Variants in CAB39L observed in about 807,000 individuals in gnomAD.
CAB39L encodes the protein calcium binding protein 39 like, also known as calcium-binding protein 39-like.
In CAB39L, 23 loss-of-function variants were observed where a neutral mutation model predicts 39.1. The ratio of observed to expected loss-of-function variants is 0.59; its 90% CI spans 0.42 to 0.83. CAB39L has a LOEUF of 0.83. Ranked by LOEUF, CAB39L falls within the 40% of genes least tolerant of loss-of-function variation. The pLI is 0.00. For missense variants in CAB39L, 366 were observed against 391.9 expected (o/e 0.93, Z 0.56); for synonymous variants, 126 against 137.2 (o/e 0.92, Z 0.57).
intron 5 of CAB39L, among the ~76,000 whole-genome samples, chr13:49,368,634 T>C (rs1955832881): frequency 6.6e-6 from 1 of 152,220 alleles, no homozygotes; most frequent in South Asian, 2.1e-4. Context: ...CTGGCAATTC[T>C]AAGGTTACAT....
At chr13:49,407,991 C>G (rs11617824) in intron 3 of CAB39L, among the ~76,000 whole-genome samples, 18,547 of 151,658 alleles carry the variant, frequency 0.12, 1,402 homozygotes, top group Middle Eastern at 0.19. Context: ...GAGTGCTAGA[C>G]AAAAGAGCTA....
chr13:49,440,442 T>C (rs1415614061), intron 1 of CAB39L, among the ~76,000 whole-genome samples: 9 of 152,152 alleles, frequency 5.9e-5, no homozygotes, highest in Admixed American at 5.9e-4. Context: ...CTCTCTATTC[T>C]GCTCCATTGG....
chr13:49,325,597 G>A (rs1211183156), intron 10 of CAB39L, among the ~76,000 whole-genome samples: 1 of 151,918 alleles, frequency 6.6e-6, no homozygotes, highest in Non-Finnish European at 1.5e-5. Flanking sequence ...GAGACCAGCC[G>A]GGCCAACATG....
chr13:49,321,398 T>A (rs1360668205), intron 10 of CAB39L, among the ~76,000 whole-genome samples: 1 of 152,272 alleles, frequency 6.6e-6, no homozygotes, highest in African/African-American at 2.4e-5. Context: ...GAATCCTTGC[T>A]ATGCACTGGG....
intron 1 of CAB39L, 61 bp downstream of exon 1, chr13:49,443,925 T>C (rs1156854269): frequency 4.4e-6 from 2 of 456,594 alleles, no homozygotes; most frequent in Non-Finnish European, 4.4e-6. Flanking sequence ...GCGCTATGTA[T>C]GTTTTCAACC....
At chr13:49,360,520 T>C (rs1004416197) in intron 5 of CAB39L, among the ~76,000 whole-genome samples, 1 of 152,230 alleles carries the variant, frequency 6.6e-6, no homozygotes, top group Non-Finnish European at 1.5e-5. Context: ...TGCACTCTCA[T>C]ACACCTTACA....
At chr13:49,351,536 G>A (rs1955356760) in intron 6 of CAB39L, among the ~76,000 whole-genome samples, 1 of 152,192 alleles carries the variant, frequency 6.6e-6, no homozygotes, top group Non-Finnish European at 1.5e-5. Flanking sequence ...GTCAGCCAAG[G>A]TAAGCAGTTG....
chr13:49,377,062 G>T lies in CAB39L; in HGVS notation c.181C>A (p.Pro61Thr), dbSNP rs554540098. 3 of 1,613,522 alleles carry T rather than the reference G, an allele frequency of 1.9e-6. No homozygotes were observed. The highest frequency in any genetic ancestry group is 1.7e-4 in the Middle Eastern group (1 of 6,052). The change falls in exon 5 of 11, where the codon CCC becomes ACC. Residue 61 changes from proline (P) to threonine (T), a missense_variant. Coordinates refer to ENST00000409308, the MANE Select transcript of CAB39L (RefSeq NM_001079670.3). Reference sequence around the variant, plus strand: ...AGCTGAGCCACTGCTTCTGTTGGGGGTTCTTTCTCGTTTGTACCACACAGA... The same window carrying T: ...AGCTGAGCCACTGCTTCTGTTGGGGTTTCTTTCTCGTTTGTACCACACAGA... ...EILCGTNEKE[P>T]PTEAVAQLAQ... is the part of the protein sequence containing the mutation.
rs1308194036 is a variant in CAB39L, at chr13:49,315,853, C to T, written c.835-4860G>A. Among the ~76,000 whole-genome samples the T allele has an allele frequency of 3.3e-5, 5 of 149,332 alleles. No individual in the cohort carries two copies. The East Asian group carries it at 7.9e-4, about 23-fold the overall frequency. ...TGAGCCAAGATCGTGCCACGGCACT[C>T]CAGCCTGGGCAACAGAGCAAGTCTC... is the stretch of plus-strand genomic sequence containing the variant. On this transcript the variant is annotated intron_variant, in intron 10 of 10. Coordinates refer to ENST00000409308, the MANE Select transcript of CAB39L (RefSeq NM_001079670.3).
chr13:49,420,107 T>C (rs1207577974), intron 3 of CAB39L, among the ~76,000 whole-genome samples: 1 of 152,214 alleles, frequency 6.6e-6, no homozygotes, highest in Non-Finnish European at 1.5e-5. Context: ...CAGACATCCA[T>C]TTAGATATCT....
chr13:49,346,124 T>TATATATATATATG, intron 7 of CAB39L, among the ~76,000 whole-genome samples: 1 of 116,784 alleles, frequency 8.6e-6, no homozygotes, highest in East Asian at 3.1e-4. Flanking sequence ...TATATATATA[T>TATATATATATATG]CATGGATACA....
At chr13:49,349,455 C>CACATAT (rs146340275) in intron 7 of CAB39L, among the ~76,000 whole-genome samples, 5 of 141,806 alleles carry the variant, frequency 3.5e-5, no homozygotes, top group African/African-American at 1.3e-4. Context: ...AATCTGAATA[C>CACATAT]ATATATATAT....
rs190681615 is a variant in CAB39L at position 49,442,403 on chromosome 13, G to A, written c.-246+1583C>T. Among the ~76,000 whole-genome samples the A allele has an allele frequency of 1.5e-4, 23 of 152,210 alleles. No homozygotes were observed. The East Asian group carries it at 4.2e-3, about 28-fold the overall frequency. On this transcript the variant is annotated intron_variant, in intron 1 of 10. Transcript: ENST00000409308. ...CAAGTTTCTTAGAAAAGGTCAAAAG[G>A]TATATGAACTTTTGTTTCTCCATGC... is the stretch of plus-strand genomic sequence containing the variant.
intron 3 of CAB39L, among the ~76,000 whole-genome samples, chr13:49,411,922 A>G (rs1222513577): frequency 6.6e-6 from 1 of 152,176 alleles, no homozygotes; most frequent in Non-Finnish European, 1.5e-5. Context: ...GAAGGCATTA[A>G]GTGAAAATGC....
intron 8 of CAB39L, among the ~76,000 whole-genome samples, chr13:49,342,929 G>A (rs887095499): frequency 2.6e-5 from 4 of 151,892 alleles, no homozygotes; most frequent in Admixed American, 6.6e-5. Flanking sequence ...AACATTTTTC[G>A]TATGTTGGGT....
chr13:49,347,793 C>T (rs1206551651), intron 7 of CAB39L, among the ~76,000 whole-genome samples: 1 of 152,104 alleles, frequency 6.6e-6, no homozygotes, highest in Non-Finnish European at 1.5e-5. Flanking sequence ...GAGCCCGGAG[C>T]CATGCTGCCC....
At chr13:49,442,211 C>A (rs1957536466) in intron 1 of CAB39L, among the ~76,000 whole-genome samples, 1 of 152,140 alleles carries the variant, frequency 6.6e-6, no homozygotes, top group African/African-American at 2.4e-5. Context: ...GCCTATGCCA[C>A]TACTCTTTGA....
intron 3 of CAB39L, among the ~76,000 whole-genome samples, chr13:49,427,717 TA>T (rs1957264973): frequency 6.6e-6 from 1 of 152,184 alleles, no homozygotes; most frequent in East Asian, 1.9e-4. Flanking sequence ...TCACTTATCT[TA>T]CTTCATTTGA....
intron 5 of CAB39L, among the ~76,000 whole-genome samples, chr13:49,364,866 C>T (rs1166450390): frequency 1.3e-5 from 2 of 152,144 alleles, no homozygotes; most frequent in Non-Finnish European, 2.9e-5. Flanking sequence ...AATGTTCATA[C>T]TACCCAACGT....
Sources: gnomAD v4.1 joint callset for allele counts (sites outside exome capture counted in the v4.1 genomes callset) on GRCh38, gnomAD v4.1.1 for gene constraint, MANE v1.5 for transcripts, NCBI Gene and HGNC (gene_info 2026-07-23, HGNC 2026-07-21) for gene names.